Variants in PRR14L observed in about 807,000 individuals in gnomAD.
The protein encoded by PRR14L is proline rich 14 like.
Under a neutral mutation model 155.0 loss-of-function variants are expected in PRR14L, and 80 were observed. The observed-to-expected ratio is 0.52, with a 90% CI of 0.43 to 0.62. The LOEUF is 0.62. Ranked by LOEUF, PRR14L falls within the 20% of genes least tolerant of loss-of-function variation. The pLI is 0.00. For synonymous variants in PRR14L, 883 were observed against 916.0 expected, an observed-to-expected ratio of 0.96 and a Z score of 0.65; for missense variants, 2,469 against 2,548.0, an observed-to-expected ratio of 0.97 and a Z score of 0.67.
chr22:31,714,905 T>A lies in PRR14L; in HGVS notation c.2934A>T (p.Arg978Ser). Residue 978 changes from arginine to serine, a missense_variant, in exon 4 of 9, where the codon AGA (arginine) becomes AGT (serine). Physicochemically the swap from Arg to Ser is moderately radical, Grantham distance 110. Transcript: ENST00000327423. ...EVLDCQSNQNRPDECKSEGQS... is the reference protein window; with the variant it reads ...EVLDCQSNQNSPDECKSEGQS... ...GACCTTCACTTTTGCATTCATCTGG[T>A]CTGTTTTGGTTACTCTGACAGTCAA... 5 of 1,551,982 alleles carry A rather than the reference T, an allele frequency of 3.2e-6. No homozygotes were observed. The highest frequency in any genetic ancestry group is 4.4e-6 in the Non-Finnish European group (5 of 1,147,056).
At chr22:31,706,234 G>C (rs2074590226) in intron 4 of PRR14L, among the ~76,000 whole-genome samples, 1 of 150,904 alleles carries the variant, frequency 6.6e-6, no homozygotes, top group African/African-American at 2.4e-5. Context: ...GGGAGGGTGA[G>C]GCAGGAGAAT....
Position 31,713,271 on chromosome 22 carries a change from T to C in PRR14L, c.4568A>G (p.His1523Arg), listed in dbSNP as rs910815105. The C allele has an allele frequency of 6.4e-7, 1 of 1,552,242 alleles. No individual in the cohort carries two copies. Among genetic ancestry groups the C allele is most frequent in the Admixed American group, 2.0e-5 (1 of 51,006 alleles). The change falls in exon 4 of 9, where the codon CAT becomes CGT. Residue 1523 changes from histidine to arginine, a missense_variant. By Grantham distance (29) the His-to-Arg change is conservative. Coordinates refer to ENST00000327423, the MANE Select transcript of PRR14L (RefSeq NM_173566.3). ...ATAGGAAACTTTCTTACAAGTTCGA[T>C]GGGGCTGCTTCTTTAAGGGAAGAAC... ...KGVLPLKKQP[H>R]RTCKKVSYQE...
intron 7 of PRR14L, among the ~76,000 whole-genome samples, chr22:31,690,526 C>T (rs1171557275): frequency 2.0e-5 from 3 of 152,088 alleles, no homozygotes; most frequent in Admixed American, 2.0e-4. Flanking sequence ...GCTCTCTTGC[C>T]CAGGTTAAAG....
rs775756800 is a variant in PRR14L at position 31,712,490 on chromosome 22, G to A, written c.5349C>T (p.Gly1783=). 5 of 1,552,198 alleles carry A rather than the reference G, an allele frequency of 3.2e-6. No homozygotes were observed. The East Asian group carries it at 7.3e-5, about 23-fold the overall frequency. Residue 1783 remains glycine, a synonymous_variant, in exon 4 of 9, where the codon GGC becomes GGT. Transcript: ENST00000327423. The part of the protein sequence containing the change: ...PGMATFREDT[G]VHSQTHTQAP... ...CCTGAGTGTGGGTCTGACTATGGAC[G>A]CCAGTGTCTTCCCTGAATGTTGCCA...
At position 31,714,524 on chromosome 22, in the gene PRR14L, A is replaced by G; in HGVS notation, c.3315T>C (p.His1105=). The G allele has an allele frequency of 6.4e-7, 1 of 1,552,106 alleles. No homozygotes were observed. The highest frequency in any genetic ancestry group is 1.2e-5 in the South Asian group (1 of 84,060). Residue 1105 remains histidine, a synonymous_variant, in exon 4 of 9, where the codon CAT becomes CAC. Transcript: ENST00000327423. ...CTGAATCCTGACCAGTTGTTCCTGT[A>G]TGTGCAGCATCCAGTTCTCTCCGAG... ...TLSRRELDAA[H]TGTTGQDSDF...
At position 31,685,680 on chromosome 22, in the gene PRR14L, A is replaced by C; in HGVS notation, c.6303T>G (p.Ala2101=). Residue 2101 remains alanine (A), a synonymous_variant, in exon 9 of 9, where the codon GCT becomes GCG. Coordinates refer to ENST00000327423, the MANE Select transcript of PRR14L (RefSeq NM_173566.3). ...QDFTVPRKRR[A]RGKVKVAGSF... The stretch of plus-strand genomic sequence containing the variant: ...TGCCTGCCACCTTGACTTTGCCTCG[A>C]GCTCTCCTCTTTCGCGGGACTGTAA... The C allele has an allele frequency of 1.9e-6, 3 of 1,551,706 alleles. No homozygotes were observed. In the South Asian group the frequency reaches 3.6e-5, roughly 18 times the overall value.
intron 2 of PRR14L, 65 bp downstream of exon 2, chr22:31,738,322 G>C: frequency 7.7e-7 from 1 of 1,293,448 alleles, no homozygotes; most frequent in Non-Finnish European, 1.1e-6. Flanking sequence ...GTCAGCATCT[G>C]TATTTTATCC....
At chr22:31,691,199 TC>T (rs1343633655) in intron 7 of PRR14L, among the ~76,000 whole-genome samples, 1 of 151,964 alleles carries the variant, frequency 6.6e-6, no homozygotes, top group African/African-American at 2.4e-5. Flanking sequence ...ACTCCTGACC[TC>T]AGGTAATCTG....
chr22:31,685,656 G>A lies in PRR14L; in HGVS notation c.6327C>T (p.Gly2109=), dbSNP rs902192422. ...CTGCCTTCTGGGCCCTGGTAAAGCT[G>A]CCTGCCACCTTGACTTTGCCTCGAG... The part of the protein sequence containing the change: ...RRARGKVKVA[G]SFTRAQKAAV... Residue 2109 remains glycine (G), a synonymous_variant, in exon 9 of 9, where the codon GGC becomes GGT. Coordinates refer to ENST00000327423, the MANE Select transcript of PRR14L (RefSeq NM_173566.3). 14 of 1,551,812 alleles carry A rather than the reference G, an allele frequency of 9.0e-6. No individual in the cohort carries two copies. The highest frequency in any genetic ancestry group is 1.2e-5 in the Non-Finnish European group (14 of 1,146,990).
chr22:31,732,003 A>C (rs923383899), intron 2 of PRR14L, among the ~76,000 whole-genome samples: 2 of 152,212 alleles, frequency 1.3e-5, no homozygotes, highest in Admixed American at 6.5e-5. Context: ...AACTATACCA[A>C]AAGATGTACT....
Position 31,713,460 on chromosome 22 carries a change from T to C in PRR14L, c.4379A>G (p.Gln1460Arg), listed in dbSNP as rs1303940265. The C allele has an allele frequency of 6.4e-7, 1 of 1,551,894 alleles. No homozygotes were observed. The highest frequency in any genetic ancestry group is 1.4e-5 in the African/African-American group (1 of 73,046). The change falls in exon 4 of 9, where the codon CAG (glutamine) becomes CGG (arginine). Residue 1460 changes from glutamine (Q) to arginine (R), a missense_variant. Physicochemically the swap from Gln to Arg is conservative, Grantham distance 43. Transcript: ENST00000327423. ...AKLAKDSIVA[Q>R]TQKLEDQKEE... ...CTTCTGGTCTTCTAACTTCTGAGTC[T>C]GTGCCACAATGCTGTCCTTGGCCAG... is the stretch of plus-strand genomic sequence containing the variant.
At position 31,701,710 on chromosome 22, in the gene PRR14L, G is replaced by C. The variant is rs868773250; in HGVS notation, c.6053C>G (p.Thr2018Ser). Reference sequence around the variant, plus strand: ...AAGATTAGGATCTGGCCTAGGAATGGTTTTCCGGATGCGAATCTGTGAGAC... The same window carrying C: ...AAGATTAGGATCTGGCCTAGGAATGCTTTTCCGGATGCGAATCTGTGAGAC... ...KKVSQIRIRK[T>S]IPRPDPNLTP... The change falls in exon 7 of 9, where the codon ACC (threonine) becomes AGC (serine). Residue 2018 changes from threonine to serine, a missense_variant. Around this residue, in one of 2 missense-constraint regions of PRR14L, gnomAD observed 106 missense variants for 176.4 expected, o/e 0.60. Transcript: ENST00000327423. 4 of 1,614,052 alleles carry C rather than the reference G, an allele frequency of 2.5e-6. No individual in the cohort carries two copies. Among genetic ancestry groups the C allele is most frequent in the Non-Finnish European group, 2.5e-6 (3 of 1,180,014 alleles).
intron 3 of PRR14L, among the ~76,000 whole-genome samples, chr22:31,720,649 C>T (rs905855919): frequency 1.3e-5 from 2 of 152,170 alleles, no homozygotes; most frequent in Non-Finnish European, 2.9e-5. Context: ...GCAGGACAAT[C>T]GCTTGAGCCC....
Position 31,738,442 on chromosome 22 carries a change from T to C in PRR14L, c.419A>G (p.Lys140Arg). Residue 140 changes from lysine to arginine, a missense_variant, in exon 2 of 9, where the codon AAG becomes AGG. Coordinates refer to ENST00000327423, the MANE Select transcript of PRR14L (RefSeq NM_173566.3). Reference sequence around the variant, plus strand: ...TGTGGAATGTTGATGTGGATCTTCCTTTGCTCCCTCAGAGGGTTCTCTTAT... The same window carrying C: ...TGTGGAATGTTGATGTGGATCTTCCCTTGCTCCCTCAGAGGGTTCTCTTAT... ...GIIREPSEGA[K>R]EDPHQHSTAA... 1 of 1,552,372 alleles carries C rather than the reference T, an allele frequency of 6.4e-7. No individual in the cohort carries two copies. Among genetic ancestry groups the C allele is most frequent in the Non-Finnish European group, 8.7e-7 (1 of 1,147,142 alleles).
chr22:31,698,502 G>T (rs1290573650), intron 7 of PRR14L, among the ~76,000 whole-genome samples: 3 of 141,290 alleles, frequency 2.1e-5, no homozygotes, highest in Admixed American at 7.2e-5. Flanking sequence ...AAAACAATGA[G>T]TTTTTTTTTT....
chr22:31,710,128 G>T (rs899526581), intron 4 of PRR14L, among the ~76,000 whole-genome samples: 3 of 151,842 alleles, frequency 2.0e-5, no homozygotes, highest in African/African-American at 7.3e-5. Context: ...TTTTAGCAGA[G>T]ACAACGTTAT....
rs1410938521 is a variant in PRR14L, at chr22:31,714,712, A to G, written c.3127T>C (p.Ser1043Pro). 1.3e-6 allele frequency: 2 copies of G among 1,552,382 alleles called. No individual in the cohort carries two copies. Among genetic ancestry groups the G allele is most frequent in the Admixed American group, 3.9e-5 (2 of 51,010 alleles). ...CCTTCTGTGGACTCATCACAACCAG[A>G]CATCTTGACAAAGGCTCCTTTCAAA... ...CNLKGAFVKM[S>P]GCDESTEGMV... is the part of the protein sequence containing the mutation. Residue 1043 changes from serine (S) to proline (P), a missense_variant, in exon 4 of 9, where the codon TCT becomes CCT. Transcript: ENST00000327423.
In PRR14L at chr22:31,682,669, A is replaced by G. The variant is rs2074460667; in HGVS notation, c.*2858T>C. The G allele has an allele frequency of 6.6e-6, 1 of 152,102 alleles. No homozygotes were observed. The highest frequency in any genetic ancestry group is 2.4e-5 in the African/African-American group (1 of 41,412). 9.4% of individuals were successfully genotyped at this position (152,102 alleles called of 1,614,324 possible). ...GGGCAGAACCCTGATTAGACCTGAG[A>G]TTTCTCCTCTTTCCCATATTAAAAA... On this transcript the variant is annotated 3_prime_UTR_variant, in exon 9 of 9. Coordinates refer to ENST00000327423, the MANE Select transcript of PRR14L (RefSeq NM_173566.3).
chr22:31,709,227 GCCA>G (rs1441980059), intron 4 of PRR14L, among the ~76,000 whole-genome samples: 1 of 151,312 alleles, frequency 6.6e-6, no homozygotes. Context: ...ACAAGCATGC[GCCA>G]CCACACCTGG....
Sources: allele counts gnomAD v4.1 joint callset (sites outside exome capture counted in the v4.1 genomes callset), GRCh38; gene constraint gnomAD v4.1.1; regional missense constraint gnomAD v4.1.1; transcripts MANE v1.5; gene names NCBI Gene and HGNC (gene_info 2026-07-23, HGNC 2026-07-21).